GPHN: variants seen among roughly 807,000 people sequenced by gnomAD.
GPHN encodes gephyrin.
GPHN carries 17 observed loss-of-function variants against 95.5 expected under a neutral mutation model. The ratio of observed to expected loss-of-function variants is 0.18; its 90% CI spans 0.12 to 0.27. The LOEUF (loss-of-function observed/expected upper bound fraction) is 0.27. GPHN is among the 10% of genes least tolerant of loss of function. The probability of loss-of-function intolerance (pLI) is 1.00; values close to 1 mark genes in which losing one functional copy is unlikely to be tolerated. For synonymous variants in GPHN, 320 were observed against 322.5 expected (o/e 0.99, Z 0.08); for missense variants, 660 against 978.1 (o/e 0.67, Z 4.34).
the GPHN span, among the ~76,000 whole-genome samples, chr14:67,396,175 T>C: frequency 6.6e-6 from 1 of 151,692 alleles, no homozygotes; most frequent in African/African-American, 2.4e-5. Context: ...TGAGACGGAG[T>C]CTTGCTCTGT....
chr14:67,305,650 AT>A, the GPHN span, among the ~76,000 whole-genome samples: 2 of 152,170 alleles, frequency 1.3e-5, no homozygotes, highest in Non-Finnish European at 2.9e-5. Context: ...AAGAAAAGCC[AT>A]TTTTTTCATG....
In GPHN at chr14:66,636,239, C is replaced by T. The variant is rs1424316245; in HGVS notation, c.65-44868C>T. Among the ~76,000 whole-genome samples the T allele has an allele frequency of 2.6e-5, 4 of 152,040 alleles. No individual in the cohort carries two copies. In the East Asian group the frequency reaches 5.8e-4, roughly 22 times the overall value. The stretch of plus-strand genomic sequence containing the variant: ...AAACAGGTGACTGTTTATAGGATTC[C>T]TTTATTTTAGCTGCCAGTAAGAAGC... On this transcript the variant is annotated intron_variant, in intron 1 of 22. Transcript: ENST00000478722.
At chr14:66,610,919 T>A (rs189513256) in intron 1 of GPHN, among the ~76,000 whole-genome samples, 1 of 152,186 alleles carries the variant, frequency 6.6e-6, no homozygotes, top group African/African-American at 2.4e-5. Flanking sequence ...CTGGGGATGG[T>A]GGGGAATGAA....
At chr14:66,742,319 A>G (rs1049009895) in intron 2 of GPHN, among the ~76,000 whole-genome samples, 25 of 152,210 alleles carry the variant, frequency 1.6e-4, no homozygotes. Flanking sequence ...CCACAAAATT[A>G]GAAACTAAAG....
chr14:67,053,151 A>G (rs2075384195), intron 10 of GPHN, among the ~76,000 whole-genome samples: 1 of 150,968 alleles, frequency 6.6e-6, no homozygotes. Flanking sequence ...CTTAAAAAAA[A>G]TCAATGAATC....
intron 13 of GPHN, among the ~76,000 whole-genome samples, chr14:67,107,921 C>T (rs1043647742): frequency 2.0e-5 from 3 of 152,188 alleles, no homozygotes; most frequent in Non-Finnish European, 2.9e-5. Context: ...TTCCCTAGGA[C>T]ATGAGTGACT....
chr14:67,282,887 T>G, the GPHN span, among the ~76,000 whole-genome samples: 2 of 152,226 alleles, frequency 1.3e-5, no homozygotes, highest in Non-Finnish European at 2.9e-5. Flanking sequence ...TATTTCTATA[T>G]TATAGATTTC....
chr14:67,393,619 A>G, the GPHN span, among the ~76,000 whole-genome samples: 1 of 151,936 alleles, frequency 6.6e-6, no homozygotes, highest in Admixed American at 6.5e-5. Context: ...ACACCTGGCT[A>G]ATTTTTGTAG....
chr14:67,050,614 A>G (rs1212183741), intron 10 of GPHN, among the ~76,000 whole-genome samples: 1 of 152,198 alleles, frequency 6.6e-6, no homozygotes, highest in Non-Finnish European at 1.5e-5. Flanking sequence ...TAGTGATGGA[A>G]GAGATTATTC....
the GPHN span, chr14:67,347,304 C>T: frequency 1.1e-6 from 1 of 891,516 alleles, no homozygotes; most frequent in African/African-American, 1.7e-5. Flanking sequence ...ATTTCTAACT[C>T]AGGAACCTCT....
At chr14:67,544,218 T>TTC in the GPHN span, among the ~76,000 whole-genome samples, 5 of 152,176 alleles carry the variant, frequency 3.3e-5, no homozygotes, top group Non-Finnish European at 7.4e-5. Context: ...TGACAATAGC[T>TTC]TCTCAGACTT....
intron 2 of GPHN, among the ~76,000 whole-genome samples, chr14:66,687,754 G>T (rs1168734304): frequency 1.3e-5 from 2 of 152,128 alleles, no homozygotes; most frequent in Non-Finnish European, 2.9e-5. Flanking sequence ...CTCCCAAAGT[G>T]CTGGGATTAC....
At chr14:66,581,795 A>G (rs527474207) in intron 1 of GPHN, among the ~76,000 whole-genome samples, 1 of 152,108 alleles carries the variant, frequency 6.6e-6, no homozygotes, top group South Asian at 2.1e-4. Flanking sequence ...AAAAAGAGAC[A>G]CAGAAAAGGT....
At chr14:67,111,733 G>A in intron 14 of GPHN, 128 bp from the exon 15 acceptor site, 1 of 759,906 alleles carries the variant, frequency 1.3e-6, no homozygotes, top group South Asian at 1.5e-5. Flanking sequence ...AAAGGGTGTA[G>A]CAAATAGTTT....
the GPHN span, among the ~76,000 whole-genome samples, chr14:67,563,213 A>C: frequency 2.6e-5 from 4 of 152,224 alleles, no homozygotes; most frequent in Admixed American, 6.5e-5. Context: ...GGTCAAGAGC[A>C]TAGGCCCCAG....
At chr14:67,045,310 AGTT>A (rs2074948672) in intron 10 of GPHN, among the ~76,000 whole-genome samples, 1 of 152,162 alleles carries the variant, frequency 6.6e-6, no homozygotes, top group Non-Finnish European at 1.5e-5. Context: ...ACATCCCAGA[AGTT>A]GTTTCAGCTT....
chr14:66,834,737 C>T (rs1380230280), intron 4 of GPHN, among the ~76,000 whole-genome samples: 1 of 151,260 alleles, frequency 6.6e-6, no homozygotes, highest in African/African-American at 2.4e-5. Flanking sequence ...GTGTCTCTGC[C>T]CGGCTTTGGT....
chr14:66,562,638 C>T (rs1000727757), intron 1 of GPHN, among the ~76,000 whole-genome samples: 6 of 151,924 alleles, frequency 3.9e-5, no homozygotes, highest in African/African-American at 7.3e-5. Context: ...GAAGACAGGA[C>T]GAAGGAAAGG....
chr14:67,236,171 G>C, the GPHN span, among the ~76,000 whole-genome samples: 3 of 152,014 alleles, frequency 2.0e-5, no homozygotes, highest in African/African-American at 7.3e-5. Context: ...TGTACAAATA[G>C]AGCTCTTGAA....
Sources: allele counts gnomAD v4.1 joint callset (sites outside exome capture counted in the v4.1 genomes callset), GRCh38; gene constraint gnomAD v4.1.1; transcripts MANE v1.5; gene names NCBI Gene and HGNC (gene_info 2026-07-23, HGNC 2026-07-21).